Variants in ZP3 observed in about 807,000 individuals in gnomAD.
The protein encoded by ZP3 is zona pellucida glycoprotein 3.
ZP3 carries 21 observed loss-of-function variants against 35.6 expected under a neutral mutation model. The ratio of observed to expected loss-of-function variants is 0.59; its 90% confidence interval spans 0.42 to 0.85. The LOEUF (loss-of-function observed/expected upper bound fraction) is 0.85, where lower values mean the gene tolerates loss of function less well. Ranked by LOEUF, ZP3 falls within the 40% of genes least tolerant of loss-of-function variation. The pLI is 0.00. For synonymous variants in ZP3, 207 were observed against 214.5 expected, an observed-to-expected ratio of 0.96 and a Z score of 0.31; for missense variants, 437 against 536.5, an observed-to-expected ratio of 0.81 and a Z score of 1.83.
Position 76,433,710 on chromosome 7 carries a change from T to A in ZP3, c.713+63T>A. On this transcript the variant is annotated intron_variant, in intron 4 of 7. Transcript: ENST00000394857. ...CAAAATGACCCTAAAGCCACCTGTTTGGCTTTTTGAGACAGTGTCACTCTG... is the reference window on the plus strand; with the variant it reads ...CAAAATGACCCTAAAGCCACCTGTTAGGCTTTTTGAGACAGTGTCACTCTG... The A allele has an allele frequency of 2.0e-6, 3 of 1,519,158 alleles. No homozygotes were observed. The South Asian group carries it at 3.8e-5, about 19-fold the overall frequency. 94.1% of individuals were successfully genotyped at this position (1,519,158 alleles called of 1,614,324 possible). A position where few individuals can be genotyped will look rare whatever the true frequency, so the allele number is the denominator to read the frequency against.
intron 1 of ZP3, among the ~76,000 whole-genome samples, chr7:76,412,544 T>A (rs1805273994): frequency 6.6e-6 from 1 of 152,210 alleles, no homozygotes; most frequent in Admixed American, 6.5e-5. Context: ...TTTGGTATTA[T>A]AATTTTATGG....
chr7:76,422,286 C>T (rs1415441407), upstream of ZP3, among the ~76,000 whole-genome samples: 2 of 152,104 alleles, frequency 1.3e-5, no homozygotes, highest in Admixed American at 6.6e-5. Context: ...CGCCCACCTC[C>T]CCGGCCTCCT....
intron 1 of ZP3, chr7:76,401,073 C>A: frequency 6.6e-7 from 1 of 1,526,122 alleles, no homozygotes; most frequent in Non-Finnish European, 8.8e-7. Context: ...AGCATTGGCC[C>A]CTCTGCCCAC....
intron 1 of ZP3, among the ~76,000 whole-genome samples, chr7:76,426,742 T>A (rs1805667170): frequency 1.3e-5 from 2 of 151,944 alleles, no homozygotes; most frequent in South Asian, 4.1e-4. Context: ...GTTTTGCTCT[T>A]ATTGCCCAGG....
At chr7:76,409,799 G>A (rs1367359784) in intron 1 of ZP3, 2 of 151,980 alleles carry the variant, frequency 1.3e-5, no homozygotes, top group African/African-American at 4.9e-5. Flanking sequence ...CAGGGTTCAG[G>A]TTTCAGGAAG....
rs377699467 is a variant in ZP3 at position 76,440,603 on chromosome 7, G to T, written c.1052G>T (p.Arg351Leu). 3.7e-6 allele frequency: 6 copies of T among 1,611,978 alleles called. No homozygotes were observed. The highest frequency in any genetic ancestry group is 1.3e-5 in the African/African-American group (1 of 74,938). The change falls in exon 7 of 8, where the codon CGC (arginine) becomes CTC (leucine). Residue 351 changes from arginine (R) to leucine (L), a missense_variant. By Grantham distance (102) the Arg-to-Leu change is moderately radical. This residue lies in a region of ZP3 where 41 missense variants were observed against 50.2 expected (regional missense o/e 0.82). Transcript: ENST00000394857. ...SQWSRSASRN[R>L]RHVTEEADVT... ...TGGTCCAGGTCTGCTTCCCGTAACC[G>T]CAGGCATGGTATGTCACAGAATGGC...
chr7:76,422,188 C>T (rs1054027662), upstream of ZP3, among the ~76,000 whole-genome samples: 6 of 151,910 alleles, frequency 3.9e-5, no homozygotes, highest in Non-Finnish European at 7.4e-5. Flanking sequence ...TGAGCCACTA[C>T]GCCCGGCCAA....
chr7:76,402,424 C>T (rs1421326038), intron 1 of ZP3, among the ~76,000 whole-genome samples: 8 of 152,058 alleles, frequency 5.3e-5, no homozygotes, highest in East Asian at 3.9e-4. Context: ...TCAAGTGATC[C>T]GCCTGCCTCA....
At chr7:76,435,208 A>ATGG (rs1177476388) in intron 5 of ZP3, among the ~76,000 whole-genome samples, 1 of 152,258 alleles carries the variant, frequency 6.6e-6, no homozygotes, top group African/African-American at 2.4e-5. Flanking sequence ...GCTGGGCATG[A>ATGG]TGGTGGGCAC....
chr7:76,409,454 A>G (rs1563689370), intron 1 of ZP3: 2 of 152,272 alleles, frequency 1.3e-5, no homozygotes, highest in East Asian at 1.9e-4. Context: ...CTTCTTCTAC[A>G]GTCAATCCAA....
At chr7:76,408,466 C>T (rs556049180) in intron 1 of ZP3, among the ~76,000 whole-genome samples, 4 of 152,230 alleles carry the variant, frequency 2.6e-5, no homozygotes, top group Non-Finnish European at 5.9e-5. Flanking sequence ...TGCCTCCTGG[C>T]CTCAGTGCCA....
intron 3 of ZP3, 22 bp from the exon 4 acceptor site, chr7:76,433,448 C>T (rs369527576): frequency 1.1e-5 from 17 of 1,604,492 alleles, no homozygotes; most frequent in Non-Finnish European, 1.4e-5. Flanking sequence ...AGCCACCATG[C>T]CCAGCTGACT....
chr7:76,415,790 C>T (rs910556223), intron 1 of ZP3, among the ~76,000 whole-genome samples: 11 of 151,668 alleles, frequency 7.3e-5, no homozygotes, highest in Admixed American at 4.6e-4. Flanking sequence ...CCACCACACC[C>T]GGCCTAGATT....
rs28609359 is a variant in ZP3 at position 76,426,276 on chromosome 7, G to A, written c.312+1000G>A. On this transcript the variant is annotated intron_variant, in intron 1 of 7. Coordinates refer to ENST00000394857, the MANE Select transcript of ZP3 (RefSeq NM_001110354.2). Reference sequence around the variant, plus strand: ...TCCCTTTCCCTAGCCAGTGGGGAAAGAGGCTGCAAGGAGAGGCCTTACGGC... The same window carrying A: ...TCCCTTTCCCTAGCCAGTGGGGAAAAAGGCTGCAAGGAGAGGCCTTACGGC... 2.0e-5 allele frequency among the ~76,000 whole-genome samples: 3 copies of A among 151,948 alleles called. No individual in the cohort carries two copies. The East Asian group carries it at 5.8e-4, about 29-fold the overall frequency.
intron 1 of ZP3, among the ~76,000 whole-genome samples, chr7:76,413,563 A>G (rs1163884181): frequency 1.3e-5 from 2 of 151,942 alleles, no homozygotes; most frequent in Non-Finnish European, 2.9e-5. Flanking sequence ...CACCATGCCC[A>G]GCCACCACTT....
chr7:76,429,473 C>A, intron 1 of ZP3, 42 bp from the exon 2 acceptor site: 1 of 1,589,800 alleles, frequency 6.3e-7, no homozygotes, highest in Non-Finnish European at 8.6e-7. Context: ...AGTACCCGGG[C>A]AGGTGATGGC....
chr7:76,433,124 T>TTTGGTTTTAG, intron 3 of ZP3, 94 bp downstream of exon 3: 3 of 672,478 alleles, frequency 4.5e-6, no homozygotes, highest in Non-Finnish European at 7.4e-6. Context: ...TTTGTTTGGT[T>TTTGGTTTTAG]TTGGTTTTGG....
chr7:76,419,055 G>A (rs1458876753), intron 1 of ZP3, among the ~76,000 whole-genome samples: 2 of 152,072 alleles, frequency 1.3e-5, no homozygotes, highest in Non-Finnish European at 2.9e-5. Context: ...TCCCTCAGCT[G>A]TAAAATGGAG....
upstream of ZP3, among the ~76,000 whole-genome samples, chr7:76,423,017 GAGAGAGAGAGAA>G (rs1021103150): frequency 5.6e-5 from 4 of 71,842 alleles, no homozygotes; most frequent in African/African-American, 7.7e-5. Flanking sequence ...AAGAGAGAGA[GAGAGAGAGAGAA>G]AGAAAGAAAG....
Sources: allele counts gnomAD v4.1 joint callset (sites outside exome capture counted in the v4.1 genomes callset), GRCh38; gene constraint gnomAD v4.1.1; regional missense constraint gnomAD v4.1.1; transcripts MANE v1.5; gene names NCBI Gene and HGNC (gene_info 2026-07-23, HGNC 2026-07-21).